The following TMEM230 variants were observed in gnomAD, a reference collection of about 807,000 sequenced individuals.
TMEM230 encodes the protein transmembrane protein 230.
In TMEM230, 10 loss-of-function variants were observed where a neutral mutation model predicts 15.8. That is an observed-to-expected ratio of 0.63 (90% CI 0.39 to 1.07). The LOEUF is 1.07. Among genes scored for constraint, TMEM230 ranks in the 50% least tolerant of loss-of-function variants. TMEM230 has a pLI of 0.01. For missense variants in TMEM230, 165 were observed against 193.3 expected (o/e 0.85, Z 0.87); for synonymous variants, 67 against 76.9 (o/e 0.87, Z 0.68).
intron 3 of TMEM230, among the ~76,000 whole-genome samples, chr20:5,085,297 CT>C (rs1270064249): frequency 4.1e-5 from 6 of 145,840 alleles, no homozygotes; most frequent in Non-Finnish European, 9.1e-5. Flanking sequence ...TTCTTTTTTT[CT>C]TTTTTTTTGA....
At chr20:5,067,650 G>T (rs2122525074), downstream of TMEM230, among the ~76,000 whole-genome samples, 1 of 150,086 alleles carries the variant, frequency 6.7e-6, no homozygotes, top group African/African-American at 2.4e-5. Context: ...CACTATGTTG[G>T]CCAGGCTGGT....
chr20:5,066,156 C>T (rs1026201115), downstream of TMEM230: 1 of 152,282 alleles, frequency 6.6e-6, no homozygotes, highest in African/African-American at 2.4e-5. Flanking sequence ...CATTGCCACC[C>T]TGGCACGCCT....
intron 4 of TMEM230, 96 bp downstream of exon 3, chr20:5,106,092 C>CAT: frequency 7.0e-7 from 1 of 1,437,076 alleles, no homozygotes; most frequent in Admixed American, 2.3e-5. Flanking sequence ...CACACACACA[C>CAT]ACACACACAC....
At chr20:5,076,548 A>G (rs957191404) in intron 3 of TMEM230, among the ~76,000 whole-genome samples, 4 of 152,144 alleles carry the variant, frequency 2.6e-5, no homozygotes, top group African/African-American at 9.7e-5. Context: ...CAAAAAAATA[A>G]ATAAAATGAA....
intron 4 of TMEM230, among the ~76,000 whole-genome samples, chr20:5,105,251 A>G (rs768026516): frequency 7.2e-5 from 11 of 152,102 alleles, no homozygotes; most frequent in Non-Finnish European, 1.5e-4. Context: ...CTGCCACTGC[A>G]CTCCAGCCTG....
At chr20:5,089,181 T>C (rs1164018925) in intron 3 of TMEM230, among the ~76,000 whole-genome samples, 1 of 151,782 alleles carries the variant, frequency 6.6e-6, no homozygotes, top group Non-Finnish European at 1.5e-5. Flanking sequence ...AAGACCATCC[T>C]GGCTAACACG....
chr20:5,081,873 CTTTTTTT>C (rs10547417), intron 3 of TMEM230, among the ~76,000 whole-genome samples: 1 of 43,836 alleles, frequency 2.3e-5, no homozygotes, highest in East Asian at 5.4e-3. Context: ...TCTTTTTTTT[CTTTTTTT>C]TTTTTTTTTT....
chr20:5,067,408 CTCATATAT>C (rs1442187983), downstream of TMEM230: 1 of 82,414 alleles, frequency 1.2e-5, no homozygotes, highest in African/African-American at 5.2e-5. Flanking sequence ...AGTGTTTAGG[CTCATATAT>C]ATATATATAT....
chr20:5,102,087 C>T (rs1011524542), intron 4 of TMEM230, among the ~76,000 whole-genome samples: 3 of 152,198 alleles, frequency 2.0e-5, no homozygotes, highest in African/African-American at 7.2e-5. Flanking sequence ...GGCAAACTGT[C>T]TAATATCTCA....
At chr20:5,102,490 A>T (rs2089911418) in intron 4 of TMEM230, among the ~76,000 whole-genome samples, 1 of 151,736 alleles carries the variant, frequency 6.6e-6, no homozygotes. Context: ...CAGGATTTCA[A>T]GACCAGCCTG....
chr20:5,072,652 C>A (rs188444509), intron 3 of TMEM230, among the ~76,000 whole-genome samples: 2 of 151,834 alleles, frequency 1.3e-5, no homozygotes, highest in African/African-American at 4.8e-5. Context: ...AGTTCGAGAC[C>A]AGCCTGACCA....
the TMEM230 span, among the ~76,000 whole-genome samples, chr20:5,060,332 C>CTTTTTTTTTTTTT: frequency 9.7e-6 from 1 of 102,912 alleles, no homozygotes; most frequent in Non-Finnish European, 1.9e-5. Context: ...AGTGTATTGT[C>CTTTTTTTTTTTTT]TTTTTTTTTT....
At chr20:5,090,940 G>T (rs1207439175) in intron 3 of TMEM230, among the ~76,000 whole-genome samples, 4 of 152,180 alleles carry the variant, frequency 2.6e-5, no homozygotes, top group Non-Finnish European at 5.9e-5. Flanking sequence ...AACTGAAGGT[G>T]GTTGTCTCTT....
chr20:5,090,449 C>T (rs1406745780), intron 3 of TMEM230, among the ~76,000 whole-genome samples: 3 of 152,126 alleles, frequency 2.0e-5, no homozygotes, highest in Admixed American at 2.0e-4. Context: ...CACTTCCTCC[C>T]CTCAGAGGGA....
chr20:5,107,044 G>A (rs924342593), intron 3 of TMEM230, among the ~76,000 whole-genome samples: 1 of 152,206 alleles, frequency 6.6e-6, no homozygotes, highest in Non-Finnish European at 1.5e-5. Flanking sequence ...GCTCGCACCT[G>A]TAATCCCAGC....
the TMEM230 span, among the ~76,000 whole-genome samples, chr20:5,062,222 C>CA: frequency 1.9e-4 from 27 of 140,394 alleles, no homozygotes; most frequent in Middle Eastern, 3.8e-3. Flanking sequence ...AACTCCGTCT[C>CA]AAAAAAAAGA....
chr20:5,084,654 C>T (rs993811879), intron 3 of TMEM230, among the ~76,000 whole-genome samples: 16 of 152,216 alleles, frequency 1.1e-4, no homozygotes, highest in Non-Finnish European at 1.2e-4. Context: ...CTCCCTCAGC[C>T]TCCTGAGTAG....
At chr20:5,090,349 G>A (rs2089471983) in intron 3 of TMEM230, among the ~76,000 whole-genome samples, 1 of 152,160 alleles carries the variant, frequency 6.6e-6, no homozygotes, top group Non-Finnish European at 1.5e-5. Flanking sequence ...GAACACTGAA[G>A]ACAATTCTAC....
chr20:5,080,260 A>G (rs942652918), intron 3 of TMEM230, among the ~76,000 whole-genome samples: 2 of 152,230 alleles, frequency 1.3e-5, no homozygotes, highest in Admixed American at 6.5e-5. Flanking sequence ...ATAAAGAAGA[A>G]AAATCCTCTT....
Sources: gnomAD v4.1 joint callset for allele counts (sites outside exome capture counted in the v4.1 genomes callset) on GRCh38, gnomAD v4.1.1 for gene constraint, MANE v1.5 for transcripts, NCBI Gene and HGNC (gene_info 2026-07-23, HGNC 2026-07-21) for gene names.